The following AP1M1 variants were observed in gnomAD, a reference collection of about 807,000 sequenced individuals.
AP1M1 encodes the protein adaptor related protein complex 1 subunit mu 1, also known as AP-1 complex subunit mu-1.
Under a neutral mutation model 57.1 loss-of-function variants are expected in AP1M1, and 18 were observed. The observed-to-expected ratio is 0.32, with a 90% confidence interval of 0.22 to 0.47. The LOEUF is 0.47. Ranked by LOEUF, AP1M1 falls within the 20% of genes least tolerant of loss-of-function variation. AP1M1 has a pLI of 1.00. For synonymous variants in AP1M1, 241 were observed against 237.9 expected (o/e 1.01, Z -0.12); for missense variants, 362 against 593.5 (o/e 0.61, Z 4.05).
intron 9 of AP1M1, among the ~76,000 whole-genome samples, chr19:16,233,039 CTT>C (rs2091605996): frequency 6.6e-6 from 1 of 152,226 alleles, no homozygotes; most frequent in South Asian, 2.1e-4. Context: ...TGGACACTCT[CTT>C]TTCTTTCACA....
chr19:16,211,577 C>T (rs576660941), intron 5 of AP1M1, among the ~76,000 whole-genome samples: 1 of 152,030 alleles, frequency 6.6e-6, no homozygotes, highest in South Asian at 2.1e-4. Flanking sequence ...CATGGTAGCT[C>T]CCGCTCTACT....
chr19:16,225,936 C>T (rs556897109), intron 5 of AP1M1, among the ~76,000 whole-genome samples: 1 of 152,154 alleles, frequency 6.6e-6, no homozygotes, highest in African/African-American at 2.4e-5. Flanking sequence ...CCCAGCCCAT[C>T]GGCTGAGCAG....
chr19:16,223,655 C>T (rs1699994237), intron 5 of AP1M1, among the ~76,000 whole-genome samples: 1 of 152,228 alleles, frequency 6.6e-6, no homozygotes. Flanking sequence ...GGCCTGGAGG[C>T]TCTGCTGAGC....
At chr19:16,230,835 A>G (rs1326756009) in intron 9 of AP1M1, among the ~76,000 whole-genome samples, 1 of 152,226 alleles carries the variant, frequency 6.6e-6, no homozygotes, top group Admixed American at 6.5e-5. Flanking sequence ...CTTCCCATGC[A>G]TAGAAAACAA....
In AP1M1 at chr19:16,207,308, G is replaced by A. The variant is rs2091473315; in HGVS notation, c.268-711G>A. Among the ~76,000 whole-genome samples the A allele has an allele frequency of 6.6e-6, 1 of 152,020 alleles. No homozygotes were observed. The highest frequency in any genetic ancestry group is 2.4e-5 in the African/African-American group (1 of 41,396). ...TTGGGGAAGGAGCCGAGGGTCACCT[G>A]GGAAGGCCCCACGTGCAGGCCAAGG... On this transcript the variant is annotated intron_variant, in intron 3 of 11. Coordinates refer to ENST00000291439, the MANE Select transcript of AP1M1 (RefSeq NM_032493.4). This position sits in a 1 kb window ranked among gnomAD's most constrained non-coding sequence, Gnocchi z 4.2.
chr19:16,202,432 C>T (rs563245980), intron 1 of AP1M1, among the ~76,000 whole-genome samples: 37 of 152,274 alleles, frequency 2.4e-4, no homozygotes, highest in African/African-American at 8.7e-4. Context: ...CTAAAGTGTA[C>T]AATTTGATGA....
At chr19:16,221,226 C>A (rs2091543073) in intron 5 of AP1M1, among the ~76,000 whole-genome samples, 1 of 152,212 alleles carries the variant, frequency 6.6e-6, no homozygotes, top group Non-Finnish European at 1.5e-5. Flanking sequence ...CTCCCAGGTT[C>A]AAGCTGTTAT....
rs1027372497 is a variant in AP1M1 at position 16,227,922 on chromosome 19, T to C, written c.817-215T>C. On this transcript the variant is annotated intron_variant, in intron 7 of 11. Transcript: ENST00000291439. This position sits in a 1 kb window ranked among gnomAD's most constrained non-coding sequence, Gnocchi z 6.2. ...CAGCCCCCAGAGCAGGCCCTGGTCA[T>C]GTTTTCTGCATTTGCCCCAAGGCCT... 1.3e-5 allele frequency among the ~76,000 whole-genome samples: 2 copies of C among 152,180 alleles called. No homozygotes were observed. The highest frequency in any genetic ancestry group is 6.5e-5 in the Admixed American group (1 of 15,288).
In AP1M1 at chr19:16,226,458, T is replaced by C. The variant is rs1327759014; in HGVS notation, c.584T>C (p.Val195Ala). 2 of 1,572,860 alleles carry C rather than the reference T, an allele frequency of 1.3e-6. No individual in the cohort carries two copies. The highest frequency in any genetic ancestry group is 2.7e-5 in the African/African-American group (2 of 74,490). Residue 195 changes from valine to alanine, a missense_variant, in exon 6 of 12, where the codon GTG becomes GCG. Around this residue, in one of 2 missense-constraint regions of AP1M1, gnomAD observed 337 missense variants for 511.1 expected, o/e 0.66. Coordinates refer to ENST00000291439, the MANE Select transcript of AP1M1 (RefSeq NM_032493.4). ...ANGNVLRSEIVGSIKMRVFLS... is the reference protein window; with the variant it reads ...ANGNVLRSEIAGSIKMRVFLS... ...GGCAATGTCCTGCGCAGCGAGATCG[T>C]GGGCTCCATCAAGATGCGAGTCTTC...
chr19:16,225,334 C>T (rs772222162), intron 5 of AP1M1, among the ~76,000 whole-genome samples: 1 of 152,250 alleles, frequency 6.6e-6, no homozygotes, highest in African/African-American at 2.4e-5. Context: ...GTATCCAAGT[C>T]GGTGGCCTTT....
intron 1 of AP1M1, among the ~76,000 whole-genome samples, chr19:16,202,243 C>T (rs998524396): frequency 7.2e-5 from 11 of 152,200 alleles, no homozygotes; most frequent in Non-Finnish European, 1.3e-4. Context: ...GGATGGTCAG[C>T]GCCGCAATGG....
intron 5 of AP1M1, among the ~76,000 whole-genome samples, chr19:16,222,960 C>G (rs558848938): frequency 2.0e-5 from 3 of 152,266 alleles, no homozygotes; most frequent in African/African-American, 7.2e-5. Context: ...ATCCCAACAT[C>G]TGTGAAGTGT....
chr19:16,234,284 G>A lies in AP1M1; in HGVS notation c.1249+10G>A, dbSNP rs768010248. 1.9e-6 allele frequency: 3 copies of A among 1,613,412 alleles called. No homozygotes were observed. Among genetic ancestry groups the A allele is most frequent in the South Asian group, 1.1e-5 (1 of 91,028 alleles). On this transcript the variant is annotated intron_variant, in intron 11 of 11. Coordinates refer to ENST00000291439, the MANE Select transcript of AP1M1 (RefSeq NM_032493.4). ...ATCACGCAGAATGGAGGTGAGTGAGGCCCTACCCGTGGGGTGGGGTTGTAC... is the reference window on the plus strand; with the variant it reads ...ATCACGCAGAATGGAGGTGAGTGAGACCCTACCCGTGGGGTGGGGTTGTAC...
intron 4 of AP1M1, 161 bp downstream of exon 4, chr19:16,208,310 GT>G: frequency 1.4e-6 from 1 of 697,020 alleles, no homozygotes; most frequent in Non-Finnish European, 2.3e-6. Flanking sequence ...GCTCTTAGTG[GT>G]TTTAATTCGT....
At chr19:16,209,327 G>GT (rs2091483510) in intron 5 of AP1M1, 150 bp downstream of exon 5, 1 of 850,928 alleles carries the variant, frequency 1.2e-6, no homozygotes, top group Non-Finnish European at 1.8e-6. Flanking sequence ...TGAAATGTGA[G>GT]TTTGTCTTAT....
chr19:16,226,764 GGCCCC>G, intron 6 of AP1M1: 1 of 596,600 alleles, frequency 1.7e-6, no homozygotes, highest in South Asian at 3.1e-5. Context: ...CCAGCTGGGA[GGCCCC>G]CGTCACCCGG....
chr19:16,226,394 C>T, intron 5 of AP1M1, 27 bp from the exon 6 acceptor site: 3 of 1,513,372 alleles, frequency 2.0e-6, no homozygotes, highest in African/African-American at 2.7e-5. Flanking sequence ...TGGGGACCTC[C>T]CCTCACGCCC....
intron 6 of AP1M1, among the ~76,000 whole-genome samples, chr19:16,226,911 G>C (rs988491595): frequency 2.6e-5 from 4 of 152,182 alleles, no homozygotes; most frequent in Non-Finnish European, 5.9e-5. Flanking sequence ...CCGTGTGAAG[G>C]CCACGCATGG....
chr19:16,200,871 T>C (rs779587503), intron 1 of AP1M1, among the ~76,000 whole-genome samples: 2 of 152,228 alleles, frequency 1.3e-5, no homozygotes, highest in African/African-American at 2.4e-5. Flanking sequence ...TCCCCAGGGC[T>C]GTGGAGCGGC....
Sources: allele counts gnomAD v4.1 joint callset (sites outside exome capture counted in the v4.1 genomes callset), GRCh38; gene constraint gnomAD v4.1.1; regional missense constraint gnomAD v4.1.1; non-coding constraint Gnocchi (gnomAD v3.1); transcripts MANE v1.5; gene names NCBI Gene and HGNC (gene_info 2026-07-23, HGNC 2026-07-21).